Variants in TTBK2 observed in about 807,000 individuals in gnomAD.
The protein encoded by TTBK2 is tau tubulin kinase 2.
In TTBK2, 28 loss-of-function variants were observed where a neutral mutation model predicts 110.8. The observed-to-expected ratio is 0.25, with a 90% CI of 0.19 to 0.35. The LOEUF (loss-of-function observed/expected upper bound fraction) is 0.35. Among genes scored for constraint, TTBK2 ranks in the 10% least tolerant of loss-of-function variants. The pLI is 1.00. For missense variants in TTBK2, 1,369 were observed against 1,500.3 expected (o/e 0.91, Z 1.45); for synonymous variants, 532 against 527.3 (o/e 1.01, Z -0.12).
chr15:42,765,911 A>G (rs1310618013), intron 13 of TTBK2, among the ~76,000 whole-genome samples: 2 of 152,242 alleles, frequency 1.3e-5, no homozygotes, highest in African/African-American at 4.8e-5. Flanking sequence ...TCAGACTAAC[A>G]GCAGATCTCT....
At chr15:42,770,129 C>CGTTAGG (rs1331597446) in intron 13 of TTBK2, among the ~76,000 whole-genome samples, 1 of 151,488 alleles carries the variant, frequency 6.6e-6, no homozygotes, top group Non-Finnish European at 1.5e-5. Context: ...GGAGGGATAG[C>CGTTAGG]AGAAATACCT....
Position 42,918,317 on chromosome 15 carries a change from T to C in TTBK2, c.-68+2121A>G, listed in dbSNP as rs139251799. Among the ~76,000 whole-genome samples, 1,151 of 152,266 alleles carry C rather than the reference T, an allele frequency of 7.6e-3. 13 individuals are homozygous for C. The highest frequency in any genetic ancestry group is 0.026 in the African/African-American group (1,099 of 41,544). ...CCTGGGCTCAAGCGATCCTCCTGCC[T>C]TGGCCTCCCAAAGTGCTGGGATTAC... On this transcript the variant is annotated intron_variant, in intron 1 of 14. Coordinates refer to ENST00000267890, the MANE Select transcript of TTBK2 (RefSeq NM_173500.4).
intron 1 of TTBK2, among the ~76,000 whole-genome samples, chr15:42,886,022 G>A (rs570956988): frequency 6.6e-6 from 1 of 152,196 alleles, no homozygotes; most frequent in South Asian, 2.1e-4. Flanking sequence ...GGTGCCTGAC[G>A]TCCAGGCAAT....
At position 42,752,079 on chromosome 15, in the gene TTBK2, G is replaced by C. The variant is rs1372971272; in HGVS notation, c.3167C>G (p.Pro1056Arg). 6.2e-7 allele frequency: 1 copy of C among 1,614,202 alleles called. No homozygotes were observed. The highest frequency in any genetic ancestry group is 1.1e-5 in the South Asian group (1 of 91,082). ...SQSRKSKIPR[P>R]VSWVNTDQVN... ...CTGATCTGTGTTGACCCATGAAACT[G>C]GCCTTGGAATTTTGCTCTTTCTAGA... Residue 1056 changes from proline (P) to arginine (R), a missense_variant, in exon 14 of 15, where the codon CCA (proline) becomes CGA (arginine). Transcript: ENST00000267890.
At chr15:42,817,200 C>A in intron 6 of TTBK2, 103 bp from the exon 7 acceptor site, 2 of 633,716 alleles carry the variant, frequency 3.2e-6, no homozygotes, top group East Asian at 5.0e-5. Flanking sequence ...CCTTTATTGT[C>A]ACAATAAAAC....
At chr15:42,834,351 A>T (rs1175940964) in intron 4 of TTBK2, among the ~76,000 whole-genome samples, 10 of 152,236 alleles carry the variant, frequency 6.6e-5, no homozygotes, top group Non-Finnish European at 1.2e-4. Flanking sequence ...CTTGAAAAGA[A>T]TTAAAAATAA....
At chr15:42,784,341 G>A (rs548747614) in intron 10 of TTBK2, among the ~76,000 whole-genome samples, 92 of 152,018 alleles carry the variant, frequency 6.1e-4, no homozygotes, top group African/African-American at 2.1e-3. Flanking sequence ...GCAGTGACGC[G>A]ATCTCGGCTC....
intron 3 of TTBK2, among the ~76,000 whole-genome samples, chr15:42,849,831 T>C (rs934305182): frequency 2.0e-5 from 3 of 152,158 alleles, no homozygotes; most frequent in Admixed American, 6.5e-5. Flanking sequence ...CATGCACAGA[T>C]TGGAGGTCAG....
At chr15:42,823,402 T>C (rs1465687168) in intron 6 of TTBK2, among the ~76,000 whole-genome samples, 2 of 152,186 alleles carry the variant, frequency 1.3e-5, no homozygotes, top group African/African-American at 2.4e-5. Flanking sequence ...CCCTACTTAA[T>C]GTAACTAATA....
At chr15:42,865,514 A>G (rs1429147954) in intron 3 of TTBK2, among the ~76,000 whole-genome samples, 2 of 82,960 alleles carry the variant, frequency 2.4e-5, no homozygotes, top group Admixed American at 1.1e-4. Context: ...TAATAATACT[A>G]AAAAAAAAAA....
intron 4 of TTBK2, among the ~76,000 whole-genome samples, chr15:42,838,815 CA>C (rs200066867): frequency 0.023 from 3,257 of 144,024 alleles, 110 homozygotes; most frequent in African/African-American, 0.072. Flanking sequence ...GACTCCATCT[CA>C]AAAAAAAAAT....
chr15:42,780,009 T>C (rs888476024), intron 11 of TTBK2, among the ~76,000 whole-genome samples: 1 of 150,960 alleles, frequency 6.6e-6, no homozygotes, highest in Non-Finnish European at 1.5e-5. Context: ...AATAATCTAA[T>C]TCAAGTCATT....
At chr15:42,849,867 G>A (rs1287102398) in intron 3 of TTBK2, among the ~76,000 whole-genome samples, 1 of 152,118 alleles carries the variant, frequency 6.6e-6, no homozygotes, top group Non-Finnish European at 1.5e-5. Flanking sequence ...GCAACTTTAG[G>A]TGGTCAGTGT....
intron 10 of TTBK2, among the ~76,000 whole-genome samples, chr15:42,793,486 C>T (rs921483485): frequency 1.3e-5 from 2 of 152,020 alleles, no homozygotes; most frequent in East Asian, 1.9e-4. Context: ...GGCCATAGTG[C>T]ACTATGACTG....
At chr15:42,907,703 A>G (rs919669933) in intron 1 of TTBK2, among the ~76,000 whole-genome samples, 6 of 152,068 alleles carry the variant, frequency 3.9e-5, no homozygotes, top group Non-Finnish European at 5.9e-5. Flanking sequence ...AAGAATATAA[A>G]TGTATTTATT....
intron 1 of TTBK2, among the ~76,000 whole-genome samples, chr15:42,908,549 C>A (rs1198151517): frequency 6.6e-6 from 1 of 152,098 alleles, no homozygotes; most frequent in African/African-American, 2.4e-5. Context: ...ATAAAGGAAG[C>A]ATTATCATAG....
At chr15:42,816,904 G>T in intron 7 of TTBK2, 128 bp downstream of exon 7, 1 of 485,610 alleles carries the variant, frequency 2.1e-6, no homozygotes, top group Non-Finnish European at 2.9e-6. Context: ...GGGCGACAGT[G>T]CAAGACTCTG....
intron 1 of TTBK2, among the ~76,000 whole-genome samples, chr15:42,889,148 T>C (rs1895358216): frequency 6.6e-6 from 1 of 152,210 alleles, no homozygotes; most frequent in Non-Finnish European, 1.5e-5. Flanking sequence ...GTGTTCCATC[T>C]GCTATTCTAC....
In TTBK2 at chr15:42,859,916, A is replaced by G. The variant is rs545948702; in HGVS notation, c.217+12695T>C. On this transcript the variant is annotated intron_variant, in intron 3 of 14. Coordinates refer to ENST00000267890, the MANE Select transcript of TTBK2 (RefSeq NM_173500.4). ...GAACGAAAAGAAAACACTAAAGATC[A>G]AGAACACTGTAACAGAAATGATGAA... Among the ~76,000 whole-genome samples, 4 of 152,296 alleles carry G rather than the reference A, an allele frequency of 2.6e-5. No homozygotes were observed. In the South Asian group the frequency reaches 8.3e-4, roughly 32 times the overall value.
Sources: allele counts gnomAD v4.1 joint callset (sites outside exome capture counted in the v4.1 genomes callset), GRCh38; gene constraint gnomAD v4.1.1; transcripts MANE v1.5; gene names NCBI Gene and HGNC (gene_info 2026-07-23, HGNC 2026-07-21).